The following HS6ST3 variants were observed in gnomAD, a reference collection of about 807,000 sequenced individuals.
The protein encoded by HS6ST3 is heparan-sulfate 6-O-sulfotransferase 3.
A neutral mutation model predicts 36.7 loss-of-function variants in HS6ST3; 12 were observed. The ratio of observed to expected loss-of-function variants is 0.33; its 90% CI spans 0.21 to 0.53. HS6ST3 has a LOEUF of 0.53. Ranked by LOEUF, HS6ST3 falls within the 20% of genes least tolerant of loss-of-function variation. HS6ST3 has a pLI of 0.95. For synonymous variants in HS6ST3, 240 were observed against 257.5 expected, an observed-to-expected ratio of 0.93 and a Z score of 0.65; for missense variants, 584 against 640.9, an observed-to-expected ratio of 0.91 and a Z score of 0.96.
intron 1 of HS6ST3, among the ~76,000 whole-genome samples, chr13:96,744,565 G>C (rs899982218): frequency 1.3e-5 from 2 of 152,084 alleles, no homozygotes; most frequent in African/African-American, 4.8e-5. Context: ...GGTAAGAACC[G>C]TATGAATAAC....
intron 1 of HS6ST3, among the ~76,000 whole-genome samples, chr13:96,819,538 A>G (rs1015837486): frequency 2.6e-5 from 4 of 152,208 alleles, no homozygotes; most frequent in Admixed American, 1.3e-4. Flanking sequence ...ATTCTTAACT[A>G]TGAGCAAAAT....
At position 96,799,984 on chromosome 13, in the gene HS6ST3, A is replaced by ATATATATATATATGTATATATATATATG. The variant is rs1566456850; in HGVS notation, c.708-32479_708-32478insGTATATATATATATGTATATATATATAT. On this transcript the variant is annotated intron_variant, in intron 1 of 1. Transcript: ENST00000376705. ...TATATGTGTATATATATATATATGTATATATATATATATGTATATATATAT... is the reference window on the plus strand; with the variant it reads ...TATATGTGTATATATATATATATGTATATATATATATATGTATATATATATATGTATATATATATATGTATATATATAT... 2.4e-4 allele frequency among the ~76,000 whole-genome samples: 22 copies of ATATATATATATATGTATATATATATATG among 92,430 alleles called. 1 individual carries two copies. The highest frequency in any genetic ancestry group is 1.2e-3 in the African/African-American group (19 of 15,986). The allele number at this position is 92,430 out of a possible 152,430, so 60.6% of individuals were successfully genotyped here. A position where few individuals can be genotyped will look rare whatever the true frequency, so the allele number is the denominator to read the frequency against.
At chr13:96,589,493 TG>T (rs1395025058) in intron 1 of HS6ST3, among the ~76,000 whole-genome samples, 4 of 152,110 alleles carry the variant, frequency 2.6e-5, no homozygotes, top group Non-Finnish European at 5.9e-5. Context: ...ATTTTAGTTT[TG>T]TTAGTCTTTT....
intron 1 of HS6ST3, among the ~76,000 whole-genome samples, chr13:96,213,520 T>C (rs2149318): frequency 0.49 from 74,486 of 151,468 alleles, 18,518 homozygotes; most frequent in Admixed American, 0.58. Flanking sequence ...TGCCTCTGTG[T>C]AGGACAATTT....
At chr13:96,828,058 C>A (rs894007343) in intron 1 of HS6ST3, among the ~76,000 whole-genome samples, 1 of 152,154 alleles carries the variant, frequency 6.6e-6, no homozygotes, top group South Asian at 2.1e-4. Flanking sequence ...TCCCTGCTGA[C>A]CTTTTGGGAA....
At chr13:96,102,005 A>G (rs1388374475) in intron 1 of HS6ST3, among the ~76,000 whole-genome samples, 1 of 152,296 alleles carries the variant, frequency 6.6e-6, no homozygotes, top group East Asian at 1.9e-4. Flanking sequence ...TATGAAAGTT[A>G]TTAGTTCTAA....
intron 1 of HS6ST3, among the ~76,000 whole-genome samples, chr13:96,664,940 G>A (rs1172651012): frequency 6.6e-6 from 1 of 152,172 alleles, no homozygotes; most frequent in African/African-American, 2.4e-5. Context: ...GGGAGGCCAA[G>A]GCAGGAGGAT....
rs969815085 is a variant in HS6ST3 at position 96,670,811 on chromosome 13, A to G, written c.708-161679A>G. 1.1e-4 allele frequency among the ~76,000 whole-genome samples: 16 copies of G among 152,178 alleles called. 1 individual carries two copies. Among genetic ancestry groups the G allele is most frequent in the Admixed American group, 9.8e-4 (15 of 15,272 alleles). The stretch of plus-strand genomic sequence containing the variant: ...GACCTGTCCTACCAAATGGACAATG[A>G]CTGGCCAACAGAGATGGAAAATGTT... On this transcript the variant is annotated intron_variant, in intron 1 of 1. Coordinates refer to ENST00000376705, the MANE Select transcript of HS6ST3 (RefSeq NM_153456.4).
At chr13:96,254,756 C>G (rs2054628896) in intron 1 of HS6ST3, among the ~76,000 whole-genome samples, 1 of 151,872 alleles carries the variant, frequency 6.6e-6, no homozygotes, top group South Asian at 2.1e-4. Context: ...AGCTCAGAAA[C>G]AGTCTAGCTT....
At chr13:96,783,802 A>G (rs1048483652) in intron 1 of HS6ST3, among the ~76,000 whole-genome samples, 1 of 152,144 alleles carries the variant, frequency 6.6e-6, no homozygotes, top group Non-Finnish European at 1.5e-5. Flanking sequence ...GTGATCTTGC[A>G]TCGTAAGATC....
chr13:96,210,811 C>T (rs1028367171), intron 1 of HS6ST3, among the ~76,000 whole-genome samples: 6 of 151,746 alleles, frequency 4.0e-5, no homozygotes, highest in African/African-American at 1.5e-4. Context: ...TCAGGCTGGT[C>T]GCAAACTCCT....
intron 1 of HS6ST3, among the ~76,000 whole-genome samples, chr13:96,260,655 T>C (rs916256655): frequency 2.0e-5 from 3 of 150,974 alleles, no homozygotes; most frequent in Admixed American, 1.3e-4. Context: ...TTCTTTTTTT[T>C]TTTAGATAGA....
At chr13:96,181,424 A>G (rs1467014930) in intron 1 of HS6ST3, among the ~76,000 whole-genome samples, 1 of 152,226 alleles carries the variant, frequency 6.6e-6, no homozygotes, top group Non-Finnish European at 1.5e-5. Flanking sequence ...TATCGTAGTT[A>G]GCAATGACTG....
chr13:96,177,096 C>T (rs986878639), intron 1 of HS6ST3, among the ~76,000 whole-genome samples: 3 of 152,052 alleles, frequency 2.0e-5, no homozygotes. Flanking sequence ...GTCAGAATGG[C>T]TATTATTAAA....
At chr13:96,614,503 A>G (rs2056467485) in intron 1 of HS6ST3, among the ~76,000 whole-genome samples, 1 of 151,772 alleles carries the variant, frequency 6.6e-6, no homozygotes, top group South Asian at 2.1e-4. Flanking sequence ...GTTGGTGGGG[A>G]TGGTGGGTTG....
intron 1 of HS6ST3, among the ~76,000 whole-genome samples, chr13:96,108,374 C>T (rs1056784795): frequency 1.3e-5 from 2 of 152,208 alleles, no homozygotes; most frequent in Non-Finnish European, 1.5e-5. Context: ...ACGATGCGTG[C>T]ACAGTGGGAC....
intron 1 of HS6ST3, among the ~76,000 whole-genome samples, chr13:96,152,377 C>G (rs6492831): frequency 0.83 from 119,482 of 144,584 alleles, 49,679 homozygotes; most frequent in East Asian, 0.91. Context: ...TCGCTCTGTC[C>G]CCCAGGCTGG....
At chr13:96,658,292 T>TTTTTTTTTTTTTTTTTTTTTTTTTTTTG (rs2056633782) in intron 1 of HS6ST3, among the ~76,000 whole-genome samples, 1 of 111,260 alleles carries the variant, frequency 9.0e-6, no homozygotes, top group African/African-American at 3.7e-5. Flanking sequence ...TTTTTTTTTT[T>TTTTTTTTTTTTTTTTTTTTTTTTTTTTG]TTTTTTGAGA....
chr13:96,555,382 C>A lies in HS6ST3; in HGVS notation c.708-277108C>A, dbSNP rs367765245. On this transcript the variant is annotated intron_variant, in intron 1 of 1. Coordinates refer to ENST00000376705, the MANE Select transcript of HS6ST3 (RefSeq NM_153456.4). Reference sequence around the variant, plus strand: ...CTTCAGGACCAGTGGTCAAATGGTTCACAGTAGGGAATAGTGGGCTTGGTG... The same window carrying A: ...CTTCAGGACCAGTGGTCAAATGGTTAACAGTAGGGAATAGTGGGCTTGGTG... Among the ~76,000 whole-genome samples, 15 of 152,128 alleles carry A rather than the reference C, an allele frequency of 9.9e-5. No individual in the cohort carries two copies. In the East Asian group the frequency reaches 1.9e-3, roughly 20 times the overall value.
Sources: allele counts gnomAD v4.1 joint callset (sites outside exome capture counted in the v4.1 genomes callset), GRCh38; gene constraint gnomAD v4.1.1; transcripts MANE v1.5; gene names NCBI Gene and HGNC (gene_info 2026-07-23, HGNC 2026-07-21).